The following NMNAT3 variants were observed in gnomAD, a reference collection of about 807,000 sequenced individuals.
The protein encoded by NMNAT3 is nicotinamide/nicotinic acid mononucleotide adenylyltransferase 3.
In NMNAT3, 21 loss-of-function variants were observed where a neutral mutation model predicts 24.8. The observed-to-expected ratio is 0.85, with a 90% CI of 0.60 to 1.22. NMNAT3 has a LOEUF of 1.22. NMNAT3 is among the 50% of genes most tolerant of loss of function. NMNAT3 has a pLI of 0.00. For missense variants in NMNAT3, 387 were observed against 436.6 expected, an observed-to-expected ratio of 0.89 and a Z score of 1.01; for synonymous variants, 136 against 155.2, an observed-to-expected ratio of 0.88 and a Z score of 0.92.
At chr3:139,620,225 A>T (rs1246783236) in intron 3 of NMNAT3, among the ~76,000 whole-genome samples, 96 of 131,650 alleles carry the variant, frequency 7.3e-4, no homozygotes, top group South Asian at 2.7e-4. Flanking sequence ...TTAAAGTTTG[A>T]TGTTTTTTAC....
intron 1 of NMNAT3, among the ~76,000 whole-genome samples, chr3:139,673,706 G>A: frequency 6.6e-6 from 1 of 151,982 alleles, no homozygotes; most frequent in East Asian, 1.9e-4. Flanking sequence ...CTCCATGAGG[G>A]TCAGGACTAT....
rs1013123368 is a variant in NMNAT3, at chr3:139,560,398, A to T, written c.*612T>A. 6.6e-6 allele frequency: 1 copy of T among 152,652 alleles called. No individual in the cohort carries two copies. Among genetic ancestry groups the T allele is most frequent in the Admixed American group, 6.5e-5 (1 of 15,288 alleles). The allele number at this position is 152,652 out of a possible 1,614,324, so 9.5% of individuals were successfully genotyped here. Reference sequence around the variant, plus strand: ...TCAAAAATATTGCTTGAGGATCACTACGTAGAAAGAGTTTTGTTTAAATTT... The same window carrying T: ...TCAAAAATATTGCTTGAGGATCACTTCGTAGAAAGAGTTTTGTTTAAATTT... On this transcript the variant is annotated 3_prime_UTR_variant, in exon 7 of 7. Coordinates refer to ENST00000643695, the MANE Select transcript of NMNAT3 (RefSeq NM_001320510.2).
At chr3:139,625,464 A>G (rs2056009718) in intron 3 of NMNAT3, among the ~76,000 whole-genome samples, 1 of 152,012 alleles carries the variant, frequency 6.6e-6, no homozygotes, top group Non-Finnish European at 1.5e-5. Flanking sequence ...CTTCCTCTGT[A>G]TGCTTATTAA....
At chr3:139,585,713 A>G (rs181649184) in intron 3 of NMNAT3, among the ~76,000 whole-genome samples, 2 of 152,340 alleles carry the variant, frequency 1.3e-5, no homozygotes, top group African/African-American at 4.8e-5. Flanking sequence ...AAATCTGAGC[A>G]AGGACTCATG....
intron 1 of NMNAT3, among the ~76,000 whole-genome samples, chr3:139,668,993 T>A (rs1240075584): frequency 1.3e-5 from 2 of 152,238 alleles, no homozygotes; most frequent in Admixed American, 6.5e-5. Context: ...ATTTTAACAC[T>A]AAACCCTATT....
intron 6 of NMNAT3, chr3:139,568,901 A>G (rs1937612944): frequency 1.3e-5 from 2 of 152,234 alleles, no homozygotes; most frequent in Middle Eastern, 3.4e-3. Context: ...TATCCTTGTT[A>G]ACTTTCTGTC....
At chr3:139,605,525 T>A (rs1301819438) in intron 3 of NMNAT3, among the ~76,000 whole-genome samples, 1 of 152,160 alleles carries the variant, frequency 6.6e-6, no homozygotes, top group Non-Finnish European at 1.5e-5. Context: ...CATCATCATC[T>A]TCATCCTCAT....
At chr3:139,667,714 T>C (rs1199670605) in intron 1 of NMNAT3, among the ~76,000 whole-genome samples, 1 of 152,214 alleles carries the variant, frequency 6.6e-6, no homozygotes, top group African/African-American at 2.4e-5. Context: ...AGTTTCTAAA[T>C]TTTAAGCCCC....
At chr3:139,572,965 G>A (rs556632329) in intron 6 of NMNAT3, among the ~76,000 whole-genome samples, 3 of 152,282 alleles carry the variant, frequency 2.0e-5, no homozygotes, top group South Asian at 2.1e-4. Flanking sequence ...CACGCCCACC[G>A]CTGCATGGTG....
chr3:139,620,823 T>C (rs1385994879), intron 3 of NMNAT3, among the ~76,000 whole-genome samples: 1 of 152,178 alleles, frequency 6.6e-6, no homozygotes, highest in African/African-American at 2.4e-5. Context: ...GAAATACGCA[T>C]GGAGCTGTCA....
intron 5 of NMNAT3, chr3:139,576,153 A>G: frequency 2.0e-6 from 2 of 985,414 alleles, no homozygotes; most frequent in Non-Finnish European, 2.4e-6. Context: ...TATCAAGAGG[A>G]CACTAAATGG....
In NMNAT3 at chr3:139,627,714, C is replaced by T. The variant is rs774032862; in HGVS notation, c.11G>A (p.Arg4Gln). 22 of 1,590,992 alleles carry T rather than the reference C, an allele frequency of 1.4e-5. No homozygotes were observed. Among genetic ancestry groups the T allele is most frequent in the East Asian group, 1.3e-4 (6 of 44,714 alleles). Residue 4 changes from arginine (R) to glutamine (Q), a missense_variant, in exon 3 of 7, where the codon CGA (arginine) becomes CAA (glutamine). By Grantham distance (43) the Arg-to-Gln change is conservative (BLOSUM62 1). Coordinates refer to ENST00000643695, the MANE Select transcript of NMNAT3 (RefSeq NM_001320510.2). Reference sequence around the variant, plus strand: ...ACAGGCCAGGAGCACCACAGGTATTCGGCTCTTCATCTTGTCAGGCACATC... The same window carrying T: ...ACAGGCCAGGAGCACCACAGGTATTTGGCTCTTCATCTTGTCAGGCACATC...
intron 5 of NMNAT3, chr3:139,576,004 G>A (rs1212201465): frequency 7.8e-7 from 1 of 1,288,996 alleles, no homozygotes; most frequent in African/African-American, 1.5e-5. Context: ...TCTGTAAAAT[G>A]AGGACAACAC....
At position 139,653,491 on chromosome 3, in the gene NMNAT3, A is replaced by G. The variant is rs142922957; in HGVS notation, c.-140-15429T>C. ...ATACTCATAGCTCATTAGTTTATAT[A>G]ATATTTAATAAAGTTATTTGACTAT... is the stretch of plus-strand genomic sequence containing the variant. On this transcript the variant is annotated intron_variant, in intron 1 of 6. Coordinates refer to ENST00000643695, the MANE Select transcript of NMNAT3 (RefSeq NM_001320510.2). 1.5e-3 allele frequency among the ~76,000 whole-genome samples: 233 copies of G among 152,346 alleles called. 1 individual carries two copies. Among genetic ancestry groups the G allele is most frequent in the African/African-American group, 5.1e-3 (212 of 41,576 alleles).
chr3:139,591,319 C>T (rs1355579916), intron 3 of NMNAT3, among the ~76,000 whole-genome samples: 3 of 152,070 alleles, frequency 2.0e-5, no homozygotes, highest in Non-Finnish European at 4.4e-5. Flanking sequence ...GAGGGTCCTA[C>T]GCCCACGGAA....
intron 1 of NMNAT3, among the ~76,000 whole-genome samples, chr3:139,657,639 C>T (rs2057289288): frequency 6.6e-6 from 1 of 151,444 alleles, no homozygotes; most frequent in South Asian, 2.1e-4. Context: ...GCAGGATAGG[C>T]CTATAGGTGT....
intron 4 of NMNAT3, among the ~76,000 whole-genome samples, chr3:139,582,639 C>CA (rs58495559): frequency 0.78 from 45,075 of 57,698 alleles, 18,290 homozygotes; most frequent in South Asian, 0.91. Context: ...GGGACTGTCT[C>CA]AAAAAAAAAA....
At position 139,560,919 on chromosome 3, in the gene NMNAT3, G is replaced by A; in HGVS notation, c.*91C>T. On this transcript the variant is annotated 3_prime_UTR_variant, in exon 7 of 7. Coordinates refer to ENST00000643695, the MANE Select transcript of NMNAT3 (RefSeq NM_001320510.2). ...AGAAATAAAGCAAATGAAAAATGGAGAAGCAAAAACCAAAGTAAAACAGAA... is the reference window on the plus strand; with the variant it reads ...AGAAATAAAGCAAATGAAAAATGGAAAAGCAAAAACCAAAGTAAAACAGAA... 7.5e-7 allele frequency: 1 copy of A among 1,324,548 alleles called. No homozygotes were observed. The highest frequency in any genetic ancestry group is 1.4e-5 in the South Asian group (1 of 70,526). 82.0% of individuals were successfully genotyped at this position (1,324,548 alleles called of 1,614,324 possible).
intron 1 of NMNAT3, among the ~76,000 whole-genome samples, chr3:139,660,133 C>G (rs899178621): frequency 3.9e-5 from 6 of 152,172 alleles, no homozygotes; most frequent in African/African-American, 1.4e-4. Flanking sequence ...TCTGCCTGGT[C>G]CAGCTCCTGG....
Sources: gnomAD v4.1 joint callset for allele counts (sites outside exome capture counted in the v4.1 genomes callset) on GRCh38, gnomAD v4.1.1 for gene constraint, MANE v1.5 for transcripts, NCBI Gene and HGNC (gene_info 2026-07-23, HGNC 2026-07-21) for gene names.